Variants in AP2A2 observed in about 807,000 individuals in gnomAD.
AP2A2 encodes the protein AP-2 complex subunit alpha-2.
Under a neutral mutation model 104.2 loss-of-function variants are expected in AP2A2, and 32 were observed. The ratio of observed to expected loss-of-function variants is 0.31; its 90% CI spans 0.23 to 0.41. The LOEUF (loss-of-function observed/expected upper bound fraction) is 0.41, where lower values mean the gene tolerates loss of function less well. Ranked by LOEUF, AP2A2 falls within the 10% of genes least tolerant of loss-of-function variation. The pLI is 1.00. For missense variants in AP2A2, 912 were observed against 1,261.0 expected, an observed-to-expected ratio of 0.72 and a Z score of 4.19; for synonymous variants, 539 against 533.3, an observed-to-expected ratio of 1.01 and a Z score of -0.15.
intron 15 of AP2A2, among the ~76,000 whole-genome samples, chr11:1,001,929 C>T (rs1856042283): frequency 6.6e-6 from 1 of 152,206 alleles, no homozygotes; most frequent in South Asian, 2.1e-4. Context: ...AGAGGGTCAT[C>T]AGGTGTCTGC....
In AP2A2 at chr11:950,577, G is replaced by C. The variant is rs1854019596; in HGVS notation, c.68-8860G>C. The stretch of plus-strand genomic sequence containing the variant: ...GCTGGGATTACAGGTGTGAGCCACT[G>C]TGCCCGGTCTGGAATATGATTTCCT... On this transcript the variant is annotated intron_variant, in intron 1 of 21. Transcript: ENST00000448903. 6.6e-5 allele frequency among the ~76,000 whole-genome samples: 10 copies of C among 152,090 alleles called. No individual in the cohort carries two copies. In the South Asian group the frequency reaches 2.1e-3, roughly 32 times the overall value.
At chr11:953,564 T>G (rs914898988) in intron 1 of AP2A2, among the ~76,000 whole-genome samples, 1 of 150,050 alleles carries the variant, frequency 6.7e-6, no homozygotes, top group African/African-American at 2.4e-5. Flanking sequence ...CCCCATTGTC[T>G]TCACACAGTG....
intron 4 of AP2A2, among the ~76,000 whole-genome samples, chr11:975,679 A>G (rs1288098739): frequency 6.7e-6 from 1 of 149,656 alleles, no homozygotes; most frequent in Admixed American, 6.6e-5. Flanking sequence ...CTCGGAGAGT[A>G]GCGGTGGGGT....
intron 9 of AP2A2, 21 bp from the exon 10 acceptor site, chr11:988,531 A>G: frequency 6.2e-7 from 1 of 1,605,964 alleles, no homozygotes; most frequent in Non-Finnish European, 8.5e-7. Context: ...GCGACCTCTT[A>G]CTCTGTGCCT....
At chr11:959,558 T>C in intron 2 of AP2A2, 53 bp downstream of exon 2, 1 of 1,219,396 alleles carries the variant, frequency 8.2e-7, no homozygotes, top group Non-Finnish European at 1.2e-6. Flanking sequence ...TTTTCTGTAG[T>C]AAGAACCCAG....
chr11:985,720 C>G, intron 8 of AP2A2, 138 bp downstream of exon 8: 1 of 1,270,726 alleles, frequency 7.9e-7, no homozygotes, highest in African/African-American at 1.5e-5. Flanking sequence ...TGCTCCCTGC[C>G]GGATGCTTTT....
Position 963,392 on chromosome 11 carries a change from C to T in AP2A2, c.136+3887C>T, listed in dbSNP as rs539658255. On this transcript the variant is annotated intron_variant, in intron 2 of 21. Coordinates refer to ENST00000448903, the MANE Select transcript of AP2A2 (RefSeq NM_012305.4). ...TGTGAGCCGAGATCGTGCCAGTGCA[C>T]TACAGCCTGGGCGACAGAGTGAGAC... Among the ~76,000 whole-genome samples the T allele has an allele frequency of 1.4e-4, 22 of 151,816 alleles. 1 individual carries two copies. Among genetic ancestry groups the T allele is most frequent in the Non-Finnish European group, 2.8e-4 (19 of 67,976 alleles).
At chr11:970,503 C>T (rs7395773) in intron 3 of AP2A2, among the ~76,000 whole-genome samples, 192 bp downstream of exon 3, 67,419 of 152,162 alleles carry the variant, frequency 0.44, 16,235 homozygotes, top group Admixed American at 0.61. Flanking sequence ...GCCCCCTTCC[C>T]GCCCAAGCTG....
intron 1 of AP2A2, among the ~76,000 whole-genome samples, chr11:950,815 C>T (rs768065409): frequency 9.2e-5 from 14 of 152,108 alleles, no homozygotes; most frequent in South Asian, 2.1e-4. Flanking sequence ...TTAGGGGCTG[C>T]GGGTGTGGTG....
At chr11:999,860 G>A (rs372591610) in intron 14 of AP2A2, among the ~76,000 whole-genome samples, 41 of 143,816 alleles carry the variant, frequency 2.9e-4, no homozygotes, top group Middle Eastern at 7.8e-3. Context: ...CTGGAGTGCC[G>A]TGGTGCGATC....
Position 1,011,729 on chromosome 11 carries a change from G to A in AP2A2, c.*1104G>A. On this transcript the variant is annotated 3_prime_UTR_variant, in exon 22 of 22. Transcript: ENST00000448903. ...ACAGGTTCTGGCTTCCTGACATGCT[G>A]TGGAGGCAGGGAGGGTGGGTGGCCA... The A allele has an allele frequency of 3.0e-6, 1 of 333,386 alleles. No homozygotes were observed. Among genetic ancestry groups the A allele is most frequent in the Admixed American group, 4.4e-5 (1 of 22,694 alleles). The allele number at this position is 333,386 out of a possible 1,614,324, so 20.7% of individuals were successfully genotyped here. A position where few individuals can be genotyped will look rare whatever the true frequency, so the allele number is the denominator to read the frequency against.
intron 4 of AP2A2, among the ~76,000 whole-genome samples, chr11:972,688 A>T (rs1344417057): frequency 6.6e-6 from 1 of 152,230 alleles, no homozygotes; most frequent in Non-Finnish European, 1.5e-5. Context: ...ACAGAGCGAG[A>T]CCCTGTCTCC....
In AP2A2 at chr11:1,011,074, T is replaced by G. The variant is rs746497328; in HGVS notation, c.*449T>G. 3.9e-5 allele frequency: 24 copies of G among 614,980 alleles called. No homozygotes were observed. Among genetic ancestry groups the G allele is most frequent in the African/African-American group, 3.8e-4 (21 of 55,862 alleles). 38.1% of individuals were successfully genotyped at this position (614,980 alleles called of 1,614,324 possible). A position where few individuals can be genotyped will look rare whatever the true frequency, so the allele number is the denominator to read the frequency against. ...CGTCCTGGTGGCTGCACACCTGGCG[T>G]CGTCCTGGGCCCTTGGGAGGAGCAC... On this transcript the variant is annotated 3_prime_UTR_variant, in exon 22 of 22. Coordinates refer to ENST00000448903, the MANE Select transcript of AP2A2 (RefSeq NM_012305.4).
rs1202099979 is a variant in AP2A2, at chr11:1,009,403, A to T, written c.2607+6A>T. The T allele has an allele frequency of 1.9e-6, 3 of 1,611,592 alleles. No homozygotes were observed. Among genetic ancestry groups the T allele is most frequent in the South Asian group, 2.2e-5 (2 of 91,022 alleles). On this transcript the variant is annotated splice_donor_region_variant and intron_variant, in intron 20 of 21. Transcript: ENST00000448903. Reference sequence around the variant, plus strand: ...CAGAAGTCACCAAAGCCAAGGTAACACGTCTGGAGGGACGGCCCCGGGGGA... The same window carrying T: ...CAGAAGTCACCAAAGCCAAGGTAACTCGTCTGGAGGGACGGCCCCGGGGGA...
rs767123830 is a variant in AP2A2, at chr11:992,454, G to T, written c.1270-49G>T. ...ACTTTGGACGACAGTTTGGTCTTGG[G>T]ATTGCCATGGCCTGCAGGTGCCGGC... On this transcript the variant is annotated intron_variant, in intron 10 of 21. Transcript: ENST00000448903. This position sits in a 1 kb window ranked among gnomAD's most constrained non-coding sequence, Gnocchi z 6.4. 37 of 1,543,650 alleles carry T rather than the reference G, an allele frequency of 2.4e-5. No homozygotes were observed. The Middle Eastern group carries it at 1.9e-3, about 79-fold the overall frequency.
At chr11:941,691 G>T (rs1853650575) in intron 1 of AP2A2, among the ~76,000 whole-genome samples, 3 of 148,952 alleles carry the variant, frequency 2.0e-5, no homozygotes, top group African/African-American at 5.0e-5. Context: ...AGGTTCAAGC[G>T]ATTCTCCCAC....
At chr11:998,874 A>G (rs1855941476) in intron 14 of AP2A2, among the ~76,000 whole-genome samples, 1 of 152,146 alleles carries the variant, frequency 6.6e-6, no homozygotes, top group African/African-American at 2.4e-5. Context: ...TTGTATTTTT[A>G]GTAGAGACGG....
chr11:978,564 C>T (rs147461862), intron 5 of AP2A2, among the ~76,000 whole-genome samples: 47 of 152,312 alleles, frequency 3.1e-4, no homozygotes, highest in Admixed American at 7.2e-4. Flanking sequence ...CCTGAAGGGA[C>T]GCCACAGCCA....
chr11:972,432 C>T (rs566337717), intron 4 of AP2A2, among the ~76,000 whole-genome samples, 177 bp downstream of exon 4: 1 of 152,348 alleles, frequency 6.6e-6, no homozygotes, highest in Non-Finnish European at 1.5e-5. Context: ...CGGTGGCTCA[C>T]GCCTCTAATC....
Sources: gnomAD v4.1 joint callset for allele counts (sites outside exome capture counted in the v4.1 genomes callset) on GRCh38, gnomAD v4.1.1 for gene constraint, Gnocchi (gnomAD v3.1) non-coding constraint, MANE v1.5 for transcripts, NCBI Gene and HGNC (gene_info 2026-07-23, HGNC 2026-07-21) for gene names.